STARD9: variants seen among roughly 807,000 people sequenced by gnomAD.
STARD9 encodes stAR-related lipid transfer protein 9.
A neutral mutation model predicts 399.8 loss-of-function variants in STARD9; 346 were observed. The ratio of observed to expected loss-of-function variants is 0.87; its 90% CI spans 0.79 to 0.95. The LOEUF (loss-of-function observed/expected upper bound fraction) is 0.95. STARD9 is among the 40% of genes least tolerant of loss of function. STARD9 has a pLI of 0.00. For missense variants in STARD9, 5,832 were observed against 5,667.5 expected (o/e 1.03, Z -0.93); for synonymous variants, 2,203 against 2,143.5 (o/e 1.03, Z -0.77).
chr15:42,579,129 T>G (rs998968855), intron 1 of STARD9, among the ~76,000 whole-genome samples: 6 of 152,112 alleles, frequency 3.9e-5, no homozygotes, highest in Non-Finnish European at 5.9e-5. Flanking sequence ...TGCCCATCAG[T>G]AGTCCCAGGA....
Position 42,689,803 on chromosome 15 carries a change from C to T in STARD9, c.8225C>T (p.Ala2742Val). Residue 2742 changes from alanine (A) to valine (V), a missense_variant, in exon 23 of 33, where the codon GCT (alanine) becomes GTT (valine). Ala to Val is a moderately conservative substitution (Grantham distance 64). Coordinates refer to ENST00000290607, the MANE Select transcript of STARD9 (RefSeq NM_020759.3). ...VRRVVSKKVV[A>V]ALPSQAPYDD... ...AGGGTAGTATCAAAGAAGGTAGTGG[C>T]TGCCTTACCTTCTCAGGCCCCTTAT... The T allele has an allele frequency of 6.5e-7, 1 of 1,537,284 alleles. No individual in the cohort carries two copies. Among genetic ancestry groups the T allele is most frequent in the Non-Finnish European group, 8.7e-7 (1 of 1,146,892 alleles).
At chr15:42,658,368 G>C (rs1002784366) in intron 9 of STARD9, among the ~76,000 whole-genome samples, 10 of 151,288 alleles carry the variant, frequency 6.6e-5, no homozygotes, top group Admixed American at 4.0e-4. Context: ...TAGAGACAAG[G>C]TCTCGTTATG....
At position 42,694,601 on chromosome 15, in the gene STARD9, C is replaced by T; in HGVS notation, c.12838C>T (p.Leu4280Phe). The change falls in exon 24 of 33, where the codon CTT (leucine) becomes TTT (phenylalanine). Residue 4280 changes from leucine to phenylalanine, a missense_variant. By Grantham distance (22) the Leu-to-Phe change is conservative. This residue lies in a region of STARD9 where 5,828 missense variants were observed against 5,651.1 expected (regional missense o/e 1.03). Coordinates refer to ENST00000290607, the MANE Select transcript of STARD9 (RefSeq NM_020759.3). ...TGGGAACTTCTGCCGGACGCGAAGC[C>T]TTAGCCCTCAGAAACAACTGAGCCT... ...RLGNFCRTRS[L>F]SPQKQLSLLP... is the part of the protein sequence containing the mutation. 2 of 1,537,226 alleles carry T rather than the reference C, an allele frequency of 1.3e-6. No individual in the cohort carries two copies. The highest frequency in any genetic ancestry group is 1.7e-6 in the Non-Finnish European group (2 of 1,146,896).
intron 2 of STARD9, among the ~76,000 whole-genome samples, chr15:42,585,251 G>A (rs2058252431): frequency 6.6e-6 from 1 of 152,162 alleles, no homozygotes. Flanking sequence ...AGCGGGAGAG[G>A]CTTTCTCTCC....
At chr15:42,607,646 A>G (rs893271978) in intron 3 of STARD9, among the ~76,000 whole-genome samples, 7 of 121,674 alleles carry the variant, frequency 5.8e-5, no homozygotes, top group Admixed American at 3.0e-4. Context: ...ACACACACAC[A>G]CTTATACACA....
chr15:42,604,626 A>ATTTT (rs11349330), intron 3 of STARD9, among the ~76,000 whole-genome samples: 23 of 54,738 alleles, frequency 4.2e-4, no homozygotes, highest in Admixed American at 8.7e-4. Context: ...GATCAAATTG[A>ATTTT]TTTTTTTTTT....
chr15:42,625,623 C>G (rs998644856), intron 3 of STARD9, among the ~76,000 whole-genome samples: 2 of 149,218 alleles, frequency 1.3e-5, no homozygotes, highest in Admixed American at 6.8e-5. Context: ...AGCCACCATG[C>G]CTGGCTGCTA....
At chr15:42,643,000 A>G (rs2141955935) in intron 7 of STARD9, among the ~76,000 whole-genome samples, 1 of 151,574 alleles carries the variant, frequency 6.6e-6, no homozygotes, top group Middle Eastern at 3.4e-3. Context: ...GATGGAGTCT[A>G]GCTATGTTGC....
At chr15:42,614,648 C>G (rs190862457) in intron 3 of STARD9, among the ~76,000 whole-genome samples, 1 of 152,018 alleles carries the variant, frequency 6.6e-6, no homozygotes, top group Non-Finnish European at 1.5e-5. Context: ...CTAGGGGTCC[C>G]ACACCTGAAA....
At chr15:42,624,910 T>G (rs1002549100) in intron 3 of STARD9, among the ~76,000 whole-genome samples, 1 of 152,204 alleles carries the variant, frequency 6.6e-6, no homozygotes, top group Admixed American at 6.5e-5. Context: ...TTAGTAGCAA[T>G]TTTTCTAAAA....
intron 10 of STARD9, among the ~76,000 whole-genome samples, chr15:42,662,376 G>A (rs2060008593): frequency 6.6e-6 from 1 of 152,134 alleles, no homozygotes; most frequent in Non-Finnish European, 1.5e-5. Context: ...TTGGAAGTGT[G>A]AATTTTTAAT....
At chr15:42,695,103 AC>A in intron 24 of STARD9, 36 bp from the exon 25 acceptor site, 1 of 1,483,844 alleles carries the variant, frequency 6.7e-7, no homozygotes, top group Non-Finnish European at 9.0e-7. Flanking sequence ...ACTGTCACCC[AC>A]CCACCATGTT....
chr15:42,684,811 A>G lies in STARD9; in HGVS notation c.3233A>G (p.Asp1078Gly). The change falls in exon 23 of 33, where the codon GAC becomes GGC. Residue 1078 changes from aspartate (D) to glycine (G), a missense_variant. This residue lies in a region of STARD9 where 5,828 missense variants were observed against 5,651.1 expected (regional missense o/e 1.03). Coordinates refer to ENST00000290607, the MANE Select transcript of STARD9 (RefSeq NM_020759.3). ...AGACAACAAAATACAAGGGACCCAG[A>G]CACCATGGTCCCACTCACAGATTTC... ...LKRQQNTRDP[D>G]TMVPLTDFSP... The G allele has an allele frequency of 6.5e-7, 1 of 1,537,234 alleles. No individual in the cohort carries two copies. The highest frequency in any genetic ancestry group is 1.2e-5 in the South Asian group (1 of 84,060).
At chr15:42,641,771 A>G (rs1238590462) in intron 7 of STARD9, among the ~76,000 whole-genome samples, 2 of 151,884 alleles carry the variant, frequency 1.3e-5, no homozygotes, top group East Asian at 3.9e-4. Flanking sequence ...CGCCTGGCTA[A>G]TTTTTTATTT....
chr15:42,690,713 T>C lies in STARD9; in HGVS notation c.9135T>C (p.Ser3045=), dbSNP rs1159541028. Reference sequence around the variant, plus strand: ...CAGAGAGCAGCACTTGTGAGCCTTCTACTGTGGCTGCTGTCCTATCTCGAG... The same window carrying C: ...CAGAGAGCAGCACTTGTGAGCCTTCCACTGTGGCTGCTGTCCTATCTCGAG... ...RLTESSTCEP[S]TVAAVLSRAQ... The change falls in exon 23 of 33, where the codon TCT becomes TCC. Residue 3045 remains serine (S), a synonymous_variant. Transcript: ENST00000290607. 6.5e-7 allele frequency: 1 copy of C among 1,537,270 alleles called. No individual in the cohort carries two copies. Among genetic ancestry groups the C allele is most frequent in the South Asian group, 1.2e-5 (1 of 84,058 alleles).
chr15:42,585,129 C>A (rs1038711273), intron 2 of STARD9, among the ~76,000 whole-genome samples: 1 of 152,068 alleles, frequency 6.6e-6, no homozygotes, highest in African/African-American at 2.4e-5. Context: ...TATGTATATG[C>A]AAATATTCCA....
At position 42,689,781 on chromosome 15, in the gene STARD9, G is replaced by C. The variant is rs778854540; in HGVS notation, c.8203G>C (p.Val2735Leu). Residue 2735 changes from valine (V) to leucine (L), a missense_variant, in exon 23 of 33, where the codon GTA becomes CTA. Physicochemically the swap from Val to Leu is conservative, Grantham distance 32 (BLOSUM62 1). Coordinates refer to ENST00000290607, the MANE Select transcript of STARD9 (RefSeq NM_020759.3). ...AGCACCTGTGGAGGAGGTCAGGAGG[G>C]TAGTATCAAAGAAGGTAGTGGCTGC... ...SSAPVEEVRR[V>L]VSKKVVAALP... is the part of the protein sequence containing the mutation. 3 of 1,537,414 alleles carry C rather than the reference G, an allele frequency of 2.0e-6. No individual in the cohort carries two copies. Among genetic ancestry groups the C allele is most frequent in the Non-Finnish European group, 2.6e-6 (3 of 1,146,972 alleles).
In STARD9 at chr15:42,685,395, A is replaced by G. The variant is rs1366279746; in HGVS notation, c.3817A>G (p.Ser1273Gly). 6.5e-7 allele frequency: 1 copy of G among 1,536,856 alleles called. No individual in the cohort carries two copies. The highest frequency in any genetic ancestry group is 2.0e-5 in the Admixed American group (1 of 50,982). ...ARLDAVLPMSSSFYLDPQFQP... is the reference protein window; with the variant it reads ...ARLDAVLPMSGSFYLDPQFQP... ...GCTGGATGCCGTCCTGCCAATGAGC[A>G]GTTCGTTTTACCTTGATCCTCAGTT... is the stretch of plus-strand genomic sequence containing the variant. Residue 1273 changes from serine (S) to glycine (G), a missense_variant, in exon 23 of 33, where the codon AGT becomes GGT. By Grantham distance (56) the Ser-to-Gly change is moderately conservative. Coordinates refer to ENST00000290607, the MANE Select transcript of STARD9 (RefSeq NM_020759.3).
chr15:42,707,639 T>G (rs887796539), intron 26 of STARD9, among the ~76,000 whole-genome samples: 3 of 152,056 alleles, frequency 2.0e-5, no homozygotes, highest in Non-Finnish European at 4.4e-5. Flanking sequence ...CCAGCTTATT[T>G]TTTTGTATTT....
Sources: gnomAD v4.1 joint callset for allele counts (sites outside exome capture counted in the v4.1 genomes callset) on GRCh38, gnomAD v4.1.1 for gene constraint, gnomAD v4.1.1 regional missense constraint, MANE v1.5 for transcripts, NCBI Gene and HGNC (gene_info 2026-07-23, HGNC 2026-07-21) for gene names.